The following RAPGEF6 variants were observed in gnomAD, a reference collection of about 807,000 sequenced individuals.
RAPGEF6 encodes the protein PDZ domain containing guanine nucleotide exchange factor (GEF) 2.
Under a neutral mutation model 171.4 loss-of-function variants are expected in RAPGEF6, and 56 were observed. That is an observed-to-expected ratio of 0.33 (90% CI 0.26 to 0.41). The LOEUF is 0.41. Ranked by LOEUF, RAPGEF6 falls within the 10% of genes least tolerant of loss-of-function variation. The probability of loss-of-function intolerance (pLI) is 1.00; values close to 1 mark genes in which losing one functional copy is unlikely to be tolerated. For synonymous variants in RAPGEF6, 692 were observed against 650.1 expected (o/e 1.06, Z -0.98); for missense variants, 1,674 against 1,921.4 (o/e 0.87, Z 2.41).
chr5:131,623,988 G>T (rs907665756), intron 1 of RAPGEF6, among the ~76,000 whole-genome samples: 3 of 152,170 alleles, frequency 2.0e-5, no homozygotes, highest in Non-Finnish European at 2.9e-5. Flanking sequence ...GAACACAGAG[G>T]AGTGGAAAAG....
At chr5:131,608,616 C>T (rs573758881) in intron 1 of RAPGEF6, among the ~76,000 whole-genome samples, 7 of 152,306 alleles carry the variant, frequency 4.6e-5, no homozygotes, top group African/African-American at 1.4e-4. Context: ...CCCAATGTAG[C>T]AGTGTTAGCA....
Position 131,424,728 on chromosome 5 carries a change from T to G in RAPGEF6, c.*2538A>C, listed in dbSNP as rs1327071868. On this transcript the variant is annotated 3_prime_UTR_variant, in exon 28 of 28. Transcript: ENST00000509018. Reference sequence around the variant, plus strand: ...ACTTTAATAAGCTTTTATGGAATCATGTACTGGATTTACTAATTCTCAAAA... The same window carrying G: ...ACTTTAATAAGCTTTTATGGAATCAGGTACTGGATTTACTAATTCTCAAAA... The G allele has an allele frequency of 6.6e-6, 1 of 152,290 alleles. No individual in the cohort carries two copies. The highest frequency in any genetic ancestry group is 1.9e-4 in the East Asian group (1 of 5,284). 9.4% of individuals were successfully genotyped at this position (152,290 alleles called of 1,614,324 possible). A position where few individuals can be genotyped will look rare whatever the true frequency, so the allele number is the denominator to read the frequency against.
intron 7 of RAPGEF6, 150 bp from the exon 8 acceptor site, chr5:131,510,641 A>C (rs1293034334): frequency 1.5e-6 from 1 of 679,920 alleles, no homozygotes; most frequent in Non-Finnish European, 2.3e-6. Context: ...AATGATACTT[A>C]TTTATAAAAG....
chr5:131,605,962 G>A (rs193047589), intron 1 of RAPGEF6, among the ~76,000 whole-genome samples: 1,499 of 149,000 alleles, frequency 0.01, 33 homozygotes, highest in African/African-American at 0.034. Flanking sequence ...CCCGGCAGGC[G>A]GAGCTTGCAG....
rs147383557 is a variant in RAPGEF6 at position 131,550,974 on chromosome 5, C to A, written c.352-2784G>T. ...ATAACAAGTTCTCTAAGGCAGGAACCGTATTATGTAATATTATATTCATCT... is the reference window on the plus strand; with the variant it reads ...ATAACAAGTTCTCTAAGGCAGGAACAGTATTATGTAATATTATATTCATCT... On this transcript the variant is annotated intron_variant, in intron 5 of 27. Coordinates refer to ENST00000509018, the MANE Select transcript of RAPGEF6 (RefSeq NM_016340.6). Among the ~76,000 whole-genome samples, 9 of 152,220 alleles carry A rather than the reference C, an allele frequency of 5.9e-5. No individual in the cohort carries two copies. The East Asian group carries it at 1.7e-3, about 29-fold the overall frequency.
At chr5:131,570,579 T>C (rs1014129942) in intron 4 of RAPGEF6, among the ~76,000 whole-genome samples, 1 of 152,122 alleles carries the variant, frequency 6.6e-6, no homozygotes, top group African/African-American at 2.4e-5. Context: ...TCTGAATGGA[T>C]AGACAAAATG....
chr5:131,447,748 G>A (rs548947701), intron 21 of RAPGEF6, among the ~76,000 whole-genome samples: 63 of 152,262 alleles, frequency 4.1e-4, no homozygotes, highest in Non-Finnish European at 7.9e-4. Flanking sequence ...AAATCCTAAT[G>A]CTTTCATTGT....
intron 5 of RAPGEF6, among the ~76,000 whole-genome samples, chr5:131,558,507 T>C (rs1252218458): frequency 6.6e-6 from 1 of 152,188 alleles, no homozygotes; most frequent in Non-Finnish European, 1.5e-5. Flanking sequence ...TGATCTTTAC[T>C]ATTTCTTGGC....
chr5:131,461,944 C>G lies in RAPGEF6; in HGVS notation c.2625G>C (p.Leu875Phe), dbSNP rs767193736. 1 of 1,613,962 alleles carries G rather than the reference C, an allele frequency of 6.2e-7. No individual in the cohort carries two copies. Among genetic ancestry groups the G allele is most frequent in the African/African-American group, 1.3e-5 (1 of 74,908 alleles). Reference protein sequence around the residue: ...ATQLSMRDFDLFRNIEPTEYI... With the variant: ...ATQLSMRDFDFFRNIEPTEYI... ...ACTCAGTCGGTTCAATATTACGAAA[C>G]AAATCAAAGTCCCTCATTGACAGCT... The change falls in exon 19 of 28, where the codon TTG (leucine) becomes TTC (phenylalanine). Residue 875 changes from leucine (L) to phenylalanine (F), a missense_variant. Leu to Phe is a conservative substitution (Grantham distance 22). This residue lies in a region of RAPGEF6 where 1,116 missense variants were observed against 1,321.5 expected (regional missense o/e 0.84). Coordinates refer to ENST00000509018, the MANE Select transcript of RAPGEF6 (RefSeq NM_016340.6).
chr5:131,568,211 A>G (rs764281087), intron 4 of RAPGEF6, among the ~76,000 whole-genome samples: 10 of 152,072 alleles, frequency 6.6e-5, no homozygotes, highest in Non-Finnish European at 8.8e-5. Flanking sequence ...CCATTTTCCT[A>G]TTTTTTAAAT....
chr5:131,486,894 T>A (rs1314901209), intron 15 of RAPGEF6, among the ~76,000 whole-genome samples: 3 of 152,312 alleles, frequency 2.0e-5, no homozygotes, highest in African/African-American at 7.2e-5. Context: ...AAATATTTTC[T>A]CCAGAATCTA....
At chr5:131,449,494 A>T (rs1435376587) in intron 21 of RAPGEF6, among the ~76,000 whole-genome samples, 3 of 152,178 alleles carry the variant, frequency 2.0e-5, no homozygotes, top group African/African-American at 7.2e-5. Flanking sequence ...AACATCTTTC[A>T]TTCATTTTTA....
At chr5:131,581,380 C>G (rs1203626632) in intron 4 of RAPGEF6, among the ~76,000 whole-genome samples, 2 of 152,152 alleles carry the variant, frequency 1.3e-5, no homozygotes, top group East Asian at 1.9e-4. Flanking sequence ...TGTTAGTCCT[C>G]TAATACCTAT....
At chr5:131,611,200 A>C (rs1764914628) in intron 1 of RAPGEF6, among the ~76,000 whole-genome samples, 1 of 152,048 alleles carries the variant, frequency 6.6e-6, no homozygotes, top group Admixed American at 6.6e-5. Context: ...AACTCTCTCC[A>C]TTTTTGCTCA....
intron 4 of RAPGEF6, among the ~76,000 whole-genome samples, chr5:131,569,814 G>T (rs1196968770): frequency 6.6e-6 from 1 of 152,122 alleles, no homozygotes; most frequent in Non-Finnish European, 1.5e-5. Flanking sequence ...GCTGAGGTGG[G>T]CAGATCACTT....
chr5:131,632,186 G>A (rs1766355985), intron 1 of RAPGEF6, among the ~76,000 whole-genome samples: 1 of 151,168 alleles, frequency 6.6e-6, no homozygotes, highest in Non-Finnish European at 1.5e-5. Context: ...CCTATGCTAT[G>A]CATCATTATC....
At chr5:131,482,121 A>G (rs576817388) in intron 15 of RAPGEF6, among the ~76,000 whole-genome samples, 21 of 152,346 alleles carry the variant, frequency 1.4e-4, no homozygotes, top group African/African-American at 5.1e-4. Context: ...ACCAAAGCAC[A>G]GCGCAAGTTT....
chr5:131,613,952 C>CA (rs1765104350), intron 1 of RAPGEF6, among the ~76,000 whole-genome samples: 1 of 151,982 alleles, frequency 6.6e-6, no homozygotes, highest in Non-Finnish European at 1.5e-5. Context: ...CCAGTGGCTG[C>CA]AGCAGGGTTG....
chr5:131,547,913 G>T, intron 6 of RAPGEF6, 134 bp downstream of exon 6: 1 of 893,098 alleles, frequency 1.1e-6, no homozygotes. Context: ...CATTTAAAAA[G>T]ATTATATATT....
Sources: gnomAD v4.1 joint callset for allele counts (sites outside exome capture counted in the v4.1 genomes callset) on GRCh38, gnomAD v4.1.1 for gene constraint, gnomAD v4.1.1 regional missense constraint, MANE v1.5 for transcripts, NCBI Gene and HGNC (gene_info 2026-07-23, HGNC 2026-07-21) for gene names.